The following ACOXL variants were observed in gnomAD, a reference collection of about 807,000 sequenced individuals.
The protein encoded by ACOXL is acyl-coenzyme A oxidase-like protein.
Under a neutral mutation model 71.9 loss-of-function variants are expected in ACOXL, and 70 were observed. The ratio of observed to expected loss-of-function variants is 0.97; its 90% CI spans 0.80 to 1.19. ACOXL has a LOEUF of 1.19. Among genes scored for constraint, ACOXL ranks in the 50% most tolerant of loss-of-function variants. The probability of loss-of-function intolerance (pLI) is 0.00; values close to 1 mark genes in which losing one functional copy is unlikely to be tolerated. For synonymous variants in ACOXL, 253 were observed against 281.6 expected, an observed-to-expected ratio of 0.90 and a Z score of 1.02; for missense variants, 703 against 736.3, an observed-to-expected ratio of 0.95 and a Z score of 0.52.
intron 12 of ACOXL, among the ~76,000 whole-genome samples, chr2:110,958,373 C>T (rs1480272295): frequency 6.6e-6 from 1 of 152,200 alleles, no homozygotes. Flanking sequence ...GCAGGCCAGT[C>T]TGTGTGTGGA....
chr2:110,917,565 A>C (rs1005174429), intron 11 of ACOXL, among the ~76,000 whole-genome samples: 1 of 152,240 alleles, frequency 6.6e-6, no homozygotes, highest in African/African-American at 2.4e-5. Flanking sequence ...GCCATCAGGC[A>C]AGAGAAAGAA....
intron 14 of ACOXL, among the ~76,000 whole-genome samples, chr2:111,011,684 AC>A (rs2064165353): frequency 6.6e-6 from 1 of 152,058 alleles, no homozygotes; most frequent in Admixed American, 6.6e-5. Flanking sequence ...GGAGTTTGAG[AC>A]CAGCCTGACC....
chr2:110,777,218 G>C (rs1559247949), intron 2 of ACOXL, among the ~76,000 whole-genome samples: 1 of 152,170 alleles, frequency 6.6e-6, no homozygotes, highest in Non-Finnish European at 1.5e-5. Context: ...GAGCCATAAG[G>C]CTGGAGGGAT....
chr2:110,987,806 G>A (rs928939313), intron 13 of ACOXL, among the ~76,000 whole-genome samples: 2 of 152,094 alleles, frequency 1.3e-5, no homozygotes, highest in African/African-American at 4.8e-5. Context: ...CTGTATATAT[G>A]CCACACTGTA....
At chr2:110,845,863 C>T (rs780457966) in intron 10 of ACOXL, among the ~76,000 whole-genome samples, 3 of 152,178 alleles carry the variant, frequency 2.0e-5, no homozygotes, top group Non-Finnish European at 4.4e-5. Context: ...TCCACCTCTT[C>T]GCCACTGTGA....
intron 9 of ACOXL, among the ~76,000 whole-genome samples, chr2:110,806,964 C>T (rs554802172): frequency 5.5e-5 from 8 of 146,658 alleles, no homozygotes; most frequent in South Asian, 2.3e-4. Flanking sequence ...AGATCTGGAG[C>T]GGGGTGGGGG....
At chr2:111,049,190 T>C in intron 15 of ACOXL, 28 bp from the exon 16 acceptor site, 1 of 1,565,572 alleles carries the variant, frequency 6.4e-7, no homozygotes, top group Admixed American at 1.7e-5. Context: ...AGTGAAGTCA[T>C]TCACAATTTC....
intron 9 of ACOXL, among the ~76,000 whole-genome samples, chr2:110,821,778 A>G (rs1688632144): frequency 6.6e-6 from 1 of 152,158 alleles, no homozygotes; most frequent in Non-Finnish European, 1.5e-5. Flanking sequence ...TTATTTATCC[A>G]ATTACTTCTT....
rs1225889982 is a variant in ACOXL at position 111,108,371 on chromosome 2, C to CTTTTTTTTTTTTTT, written c.1543-9235_1543-9222dup. Reference sequence around the variant, plus strand: ...TTTATATACATTGAAGTGCATGAATCTTTTTTTTTTTTTTTTTTTTTTTGG... The same window carrying CTTTTTTTTTTTTTT: ...TTTATATACATTGAAGTGCATGAATCTTTTTTTTTTTTTTTTTTTTTTTTTTTTTTTTTTTTTGG... On this transcript the variant is annotated intron_variant, in intron 17 of 17. Coordinates refer to ENST00000439055, the MANE Select transcript of ACOXL (RefSeq NM_001142807.4). Among the ~76,000 whole-genome samples, 32 of 71,054 alleles carry CTTTTTTTTTTTTTT rather than the reference C, an allele frequency of 4.5e-4. 1 individual carries two copies. The highest frequency in any genetic ancestry group is 5.7e-4 in the Non-Finnish European group (23 of 40,450). The allele number at this position is 71,054 out of a possible 152,430, so 46.6% of individuals were successfully genotyped here.
chr2:110,776,389 T>A (rs1682655187), intron 2 of ACOXL, among the ~76,000 whole-genome samples: 1 of 152,190 alleles, frequency 6.6e-6, no homozygotes, highest in South Asian at 2.1e-4. Context: ...GCCAGAGAAT[T>A]GTACACCTAA....
At chr2:110,834,016 T>C (rs1358290156) in intron 9 of ACOXL, among the ~76,000 whole-genome samples, 1 of 152,156 alleles carries the variant, frequency 6.6e-6, no homozygotes, top group Non-Finnish European at 1.5e-5. Flanking sequence ...GGGCTTGCAC[T>C]TTCCTGTATT....
intron 12 of ACOXL, among the ~76,000 whole-genome samples, chr2:110,981,876 A>G (rs2062721157): frequency 6.6e-6 from 1 of 152,170 alleles, no homozygotes. Context: ...CCTATACTCA[A>G]TATAAACAGT....
At chr2:110,911,563 C>T (rs184335596) in intron 11 of ACOXL, among the ~76,000 whole-genome samples, 14 of 152,004 alleles carry the variant, frequency 9.2e-5, no homozygotes, top group Admixed American at 2.6e-4. Flanking sequence ...GTTGGTTTAA[C>T]ATATCAAAAA....
At chr2:111,113,360 T>C (rs2070125052) in intron 17 of ACOXL, among the ~76,000 whole-genome samples, 1 of 152,194 alleles carries the variant, frequency 6.6e-6, no homozygotes, top group South Asian at 2.1e-4. Flanking sequence ...TCCTCTGTAA[T>C]CTGGCACACA....
intron 12 of ACOXL, among the ~76,000 whole-genome samples, chr2:110,986,576 G>A (rs1041983051): frequency 1.3e-5 from 2 of 152,172 alleles, no homozygotes; most frequent in African/African-American, 4.8e-5. Context: ...TTCTGCAGCG[G>A]GCTAGCCATG....
At chr2:111,021,076 C>G (rs1468075735) in intron 14 of ACOXL, among the ~76,000 whole-genome samples, 2 of 152,188 alleles carry the variant, frequency 1.3e-5, no homozygotes, top group Non-Finnish European at 2.9e-5. Context: ...ACTATTTCAC[C>G]TGCTCCACCT....
chr2:110,881,045 A>T (rs201860010), intron 10 of ACOXL, among the ~76,000 whole-genome samples: 1 of 152,138 alleles, frequency 6.6e-6, no homozygotes, highest in East Asian at 1.9e-4. Flanking sequence ...CACTTTTGAG[A>T]TCATTAGAAG....
At chr2:110,974,927 A>G (rs975665826) in intron 12 of ACOXL, among the ~76,000 whole-genome samples, 9 of 152,210 alleles carry the variant, frequency 5.9e-5, no homozygotes, top group Non-Finnish European at 8.8e-5. Context: ...TTAAAACACT[A>G]GACTCAGCCG....
intron 16 of ACOXL, among the ~76,000 whole-genome samples, chr2:111,054,567 C>T (rs1206125901): frequency 6.6e-6 from 1 of 152,148 alleles, no homozygotes; most frequent in Non-Finnish European, 1.5e-5. Flanking sequence ...CTGGAAGCTT[C>T]CTTAGGATTT....
Sources: allele counts gnomAD v4.1 joint callset (sites outside exome capture counted in the v4.1 genomes callset), GRCh38; gene constraint gnomAD v4.1.1; transcripts MANE v1.5; gene names NCBI Gene and HGNC (gene_info 2026-07-23, HGNC 2026-07-21).